CACNA2D3: variants seen among roughly 807,000 people sequenced by gnomAD.
CACNA2D3 encodes calcium voltage-gated channel auxiliary subunit alpha2delta 3.
In CACNA2D3, 60 loss-of-function variants were observed where a neutral mutation model predicts 160.6. The observed-to-expected ratio is 0.37, with a 90% CI of 0.30 to 0.46. The LOEUF is 0.46. CACNA2D3 is among the 20% of genes least tolerant of loss of function. CACNA2D3 has a pLI of 1.00. For synonymous variants in CACNA2D3, 558 were observed against 492.9 expected (o/e 1.13, Z -1.75); for missense variants, 1,205 against 1,365.0 (o/e 0.88, Z 1.85).
chr3:54,237,116 G>A (rs1051141592), intron 2 of CACNA2D3, among the ~76,000 whole-genome samples: 1 of 151,886 alleles, frequency 6.6e-6, no homozygotes, highest in Non-Finnish European at 1.5e-5. Flanking sequence ...GATTTCAAGG[G>A]TAGGAGGACA....
chr3:54,997,279 A>G (rs1320358142), intron 31 of CACNA2D3, among the ~76,000 whole-genome samples: 1 of 152,246 alleles, frequency 6.6e-6, no homozygotes, highest in Non-Finnish European at 1.5e-5. Flanking sequence ...GGTATATCAC[A>G]TTCTAAAATT....
intron 5 of CACNA2D3, among the ~76,000 whole-genome samples, chr3:54,537,142 G>A (rs11707007): frequency 0.6 from 91,628 of 151,712 alleles, 28,116 homozygotes; most frequent in South Asian, 0.66. Context: ...GGAGGGACAG[G>A]CAGGCACAGA....
chr3:54,294,311 C>G (rs1007751015), intron 2 of CACNA2D3, among the ~76,000 whole-genome samples: 14 of 152,138 alleles, frequency 9.2e-5, no homozygotes, highest in African/African-American at 2.7e-4. Context: ...TCCAAAGAAG[C>G]CTTGCATAAC....
At chr3:54,215,462 C>T (rs4928013) in intron 2 of CACNA2D3, among the ~76,000 whole-genome samples, 2,819 of 152,264 alleles carry the variant, frequency 0.019, 122 homozygotes, top group East Asian at 0.14. Flanking sequence ...AACTTTGTAT[C>T]TTTTGACTGC....
intron 5 of CACNA2D3, among the ~76,000 whole-genome samples, chr3:54,510,875 C>A (rs942787567): frequency 1.3e-5 from 2 of 152,194 alleles, no homozygotes; most frequent in African/African-American, 4.8e-5. Context: ...CAGCTCCCAG[C>A]AAACCAGATG....
chr3:55,049,160 G>T (rs1329146243), intron 35 of CACNA2D3, among the ~76,000 whole-genome samples: 1 of 151,552 alleles, frequency 6.6e-6, no homozygotes, highest in Non-Finnish European at 1.5e-5. Context: ...GAATGTGTTT[G>T]CTCTTGCTTG....
intron 13 of CACNA2D3, among the ~76,000 whole-genome samples, chr3:54,796,997 C>T (rs1702878626): frequency 6.6e-6 from 1 of 152,116 alleles, no homozygotes; most frequent in African/African-American, 2.4e-5. Flanking sequence ...TGAATTATAC[C>T]CCTAAGCCAC....
At chr3:55,026,030 A>G (rs1490384290) in intron 35 of CACNA2D3, among the ~76,000 whole-genome samples, 3 of 152,116 alleles carry the variant, frequency 2.0e-5, no homozygotes. Context: ...AATTTGCACA[A>G]AGTGAATATT....
chr3:54,968,483 A>G lies in CACNA2D3; in HGVS notation c.2483A>G (p.Gln828Arg), dbSNP rs1243315233. ...ATTCAGATGAAACTTGAATTTTTCC[A>G]AAGGAAGTTCTGGACTGCCAGCAGA... ...VGIQMKLEFF[Q>R]RKFWTASRQC... The change falls in exon 28 of 38, where the codon CAA becomes CGA. Residue 828 changes from glutamine to arginine, a missense_variant. Physicochemically the swap from Gln to Arg is conservative, Grantham distance 43. Around this residue, in one of 3 missense-constraint regions of CACNA2D3, gnomAD observed 911 missense variants for 1,002.2 expected, o/e 0.91. Coordinates refer to ENST00000474759, the MANE Select transcript of CACNA2D3 (RefSeq NM_018398.3). 1 of 1,610,684 alleles carries G rather than the reference A, an allele frequency of 6.2e-7. No homozygotes were observed. The highest frequency in any genetic ancestry group is 8.5e-7 in the Non-Finnish European group (1 of 1,178,276).
At chr3:54,273,439 T>A (rs888125684) in intron 2 of CACNA2D3, among the ~76,000 whole-genome samples, 35 of 152,198 alleles carry the variant, frequency 2.3e-4, no homozygotes, top group Non-Finnish European at 1.5e-5. Flanking sequence ...CTGCTTTATT[T>A]CCCACTGATT....
intron 27 of CACNA2D3, chr3:54,928,068 C>G: frequency 1.5e-6 from 1 of 682,796 alleles, no homozygotes; most frequent in Non-Finnish European, 2.6e-6. Flanking sequence ...ACAGTTGTTG[C>G]TTTCAAAAGA....
chr3:54,525,282 T>C (rs543854570), intron 5 of CACNA2D3, among the ~76,000 whole-genome samples: 1 of 152,262 alleles, frequency 6.6e-6, no homozygotes, highest in Admixed American at 6.5e-5. Context: ...ATATATTACC[T>C]CTCTATATGT....
At chr3:54,739,382 T>G (rs573481925) in intron 11 of CACNA2D3, among the ~76,000 whole-genome samples, 2 of 139,076 alleles carry the variant, frequency 1.4e-5, no homozygotes, top group African/African-American at 2.7e-5. Flanking sequence ...ATCCCACCAC[T>G]GCACTCCAGC....
At chr3:54,406,131 T>G (rs923624570) in intron 4 of CACNA2D3, among the ~76,000 whole-genome samples, 2 of 151,994 alleles carry the variant, frequency 1.3e-5, no homozygotes, top group African/African-American at 4.8e-5. Flanking sequence ...TGAAAAACAG[T>G]ATGGAGGTTA....
At chr3:54,371,312 C>G (rs1348069881) in intron 3 of CACNA2D3, among the ~76,000 whole-genome samples, 1 of 152,104 alleles carries the variant, frequency 6.6e-6, no homozygotes, top group East Asian at 1.9e-4. Context: ...TACCATTTTA[C>G]ATTTCTAGGA....
Position 55,074,278 on chromosome 3 carries a change from C to T in CACNA2D3, c.*72C>T, listed in dbSNP as rs1315877719. 3 of 1,223,474 alleles carry T rather than the reference C, an allele frequency of 2.5e-6. No individual in the cohort carries two copies. In the South Asian group the frequency reaches 3.6e-5, roughly 15 times the overall value. The allele number at this position is 1,223,474 out of a possible 1,614,324, so 75.8% of individuals were successfully genotyped here. On this transcript the variant is annotated 3_prime_UTR_variant, in exon 38 of 38. Coordinates refer to ENST00000474759, the MANE Select transcript of CACNA2D3 (RefSeq NM_018398.3). ...GCTAAATCATGGATAAACTGTGAAC[C>T]AAAATATGGTGCAACATACGAGACA... is the stretch of plus-strand genomic sequence containing the variant.
At chr3:54,961,837 G>A (rs1159015460) in intron 27 of CACNA2D3, among the ~76,000 whole-genome samples, 5 of 152,122 alleles carry the variant, frequency 3.3e-5, no homozygotes, top group African/African-American at 1.2e-4. Context: ...TAGAAGCCGG[G>A]TAATTTGTAA....
At chr3:54,689,492 C>T (rs531621363) in intron 11 of CACNA2D3, among the ~76,000 whole-genome samples, 8 of 152,232 alleles carry the variant, frequency 5.3e-5, no homozygotes, top group Non-Finnish European at 7.4e-5. Flanking sequence ...GCATCTCTGC[C>T]TGGATGTCTA....
chr3:54,689,010 A>G (rs658867), intron 11 of CACNA2D3, among the ~76,000 whole-genome samples: 43,725 of 83,832 alleles, frequency 0.52, 14,489 homozygotes, highest in Middle Eastern at 0.61. Flanking sequence ...AAAAAAAAAA[A>G]AGAATGAGGT....
Sources: allele counts gnomAD v4.1 joint callset (sites outside exome capture counted in the v4.1 genomes callset), GRCh38; gene constraint gnomAD v4.1.1; regional missense constraint gnomAD v4.1.1; transcripts MANE v1.5; gene names NCBI Gene and HGNC (gene_info 2026-07-23, HGNC 2026-07-21).